Variants in NOX4 observed in about 807,000 individuals in gnomAD.
The protein encoded by NOX4 is kidney oxidase-1.
In NOX4, 69 loss-of-function variants were observed where a neutral mutation model predicts 87.6. That is an observed-to-expected ratio of 0.79 (90% CI 0.65 to 0.96). The LOEUF (loss-of-function observed/expected upper bound fraction) is 0.96, where lower values mean the gene tolerates loss of function less well. Among genes scored for constraint, NOX4 ranks in the 40% least tolerant of loss-of-function variants. NOX4 has a pLI of 0.00. For synonymous variants in NOX4, 275 were observed against 238.2 expected, an observed-to-expected ratio of 1.15 and a Z score of -1.42; for missense variants, 680 against 681.5, an observed-to-expected ratio of 1.00 and a Z score of 0.02.
intron 2 of NOX4, among the ~76,000 whole-genome samples, chr11:89,461,199 C>A: frequency 6.6e-6 from 1 of 151,782 alleles, no homozygotes; most frequent in East Asian, 1.9e-4. Context: ...AGGAGATATA[C>A]CTAATGTTAA....
intron 2 of NOX4, among the ~76,000 whole-genome samples, chr11:89,488,137 C>G (rs923945559): frequency 1.3e-5 from 2 of 152,008 alleles, no homozygotes; most frequent in African/African-American, 2.4e-5. Flanking sequence ...GAATACTTAC[C>G]AGATAGCTCA....
At chr11:89,411,831 T>A (rs377455623) in intron 8 of NOX4, among the ~76,000 whole-genome samples, 1 of 151,912 alleles carries the variant, frequency 6.6e-6, no homozygotes, top group African/African-American at 2.4e-5. Context: ...AGCAATAACA[T>A]AGAATGTCAA....
At chr11:89,444,640 T>C (rs1412227547) in intron 4 of NOX4, among the ~76,000 whole-genome samples, 1 of 151,996 alleles carries the variant, frequency 6.6e-6, no homozygotes, top group African/African-American at 2.4e-5. Flanking sequence ...TCTTCCATAG[T>C]TCCAAATCTG....
chr11:89,416,017 T>C (rs985768862), intron 8 of NOX4, among the ~76,000 whole-genome samples: 1 of 152,118 alleles, frequency 6.6e-6, no homozygotes, highest in African/African-American at 2.4e-5. Flanking sequence ...TAAGGACTCC[T>C]TTTGTGGCTC....
the NOX4 span, among the ~76,000 whole-genome samples, chr11:89,539,090 C>T: frequency 1.5e-4 from 23 of 152,190 alleles, no homozygotes; most frequent in East Asian, 3.5e-3. Flanking sequence ...GAAACTAAAG[C>T]GCCTGACACA....
chr11:89,441,898 A>C (rs987505477), intron 5 of NOX4, among the ~76,000 whole-genome samples: 5 of 150,112 alleles, frequency 3.3e-5, no homozygotes, highest in Admixed American at 6.7e-5. Context: ...GTATATTGGC[A>C]CAAAACCATC....
chr11:89,451,839 A>G lies in NOX4; in HGVS notation c.210T>C (p.Leu70=), dbSNP rs1565310858. ...SASVLNLNCS[L]ILLPMCRTLL... is the part of the protein sequence containing the mutation. ...GTGTTCGGCACATGGGTAAAAGGAT[A>G]AGGCTGCAGTTGAGGTTAAGAACAG... The change falls in exon 3 of 18, where the codon CTT becomes CTC. Residue 70 remains leucine, a synonymous_variant. Coordinates refer to ENST00000263317, the MANE Select transcript of NOX4 (RefSeq NM_016931.5). 1 of 1,613,522 alleles carries G rather than the reference A, an allele frequency of 6.2e-7. No individual in the cohort carries two copies.
At chr11:89,345,678 A>G (rs1367884307) in intron 13 of NOX4, among the ~76,000 whole-genome samples, 2 of 152,184 alleles carry the variant, frequency 1.3e-5, no homozygotes, top group East Asian at 3.9e-4. Flanking sequence ...GCATGTAAAC[A>G]TAAATAAAAA....
the NOX4 span, among the ~76,000 whole-genome samples, chr11:89,527,320 C>T: frequency 2.5e-4 from 38 of 152,236 alleles, 1 homozygote; most frequent in South Asian, 7.9e-3. Context: ...AGAAAATTTG[C>T]CACCTAGCAA....
At chr11:89,575,855 A>G in the NOX4 span, among the ~76,000 whole-genome samples, 2 of 152,090 alleles carry the variant, frequency 1.3e-5, no homozygotes, top group Non-Finnish European at 2.9e-5. Context: ...ACTTATTCAA[A>G]TTCAAGTTTT....
At chr11:89,566,592 A>C in the NOX4 span, among the ~76,000 whole-genome samples, 1 of 152,208 alleles carries the variant, frequency 6.6e-6, no homozygotes, top group Non-Finnish European at 1.5e-5. Context: ...AAAAATACAC[A>C]TGCAAAAAAG....
intron 2 of NOX4, among the ~76,000 whole-genome samples, chr11:89,459,137 C>T (rs1688851196): frequency 6.6e-6 from 1 of 151,878 alleles, no homozygotes; most frequent in Admixed American, 6.6e-5. Context: ...TAAAAAGAAA[C>T]AAGATCATGT....
intron 2 of NOX4, among the ~76,000 whole-genome samples, 174 bp from the exon 3 acceptor site, chr11:89,452,069 C>G (rs1372773636): frequency 6.6e-6 from 1 of 152,166 alleles, no homozygotes; most frequent in Non-Finnish European, 1.5e-5. Flanking sequence ...CCCCTTTGAA[C>G]GACTTCTTTC....
upstream of NOX4, among the ~76,000 whole-genome samples, chr11:89,496,967 C>A (rs1946961246): frequency 6.6e-6 from 1 of 152,116 alleles, no homozygotes; most frequent in African/African-American, 2.4e-5. Context: ...CCAAAGTAAC[C>A]ATGATATTAA....
intron 11 of NOX4, among the ~76,000 whole-genome samples, chr11:89,375,639 AAC>A (rs1025617059): frequency 7.9e-4 from 121 of 152,312 alleles, no homozygotes; most frequent in African/African-American, 2.8e-3. Flanking sequence ...TCTGAAAGCA[AAC>A]AGTTTTGTCA....
chr11:89,391,411 A>T (rs1941110045), intron 11 of NOX4, among the ~76,000 whole-genome samples: 1 of 152,152 alleles, frequency 6.6e-6, no homozygotes, highest in Non-Finnish European at 1.5e-5. Flanking sequence ...TCCCAGGGTG[A>T]GACCCAAAAG....
intron 11 of NOX4, among the ~76,000 whole-genome samples, chr11:89,390,413 C>T (rs2135132240): frequency 6.6e-6 from 1 of 152,150 alleles, no homozygotes; most frequent in East Asian, 1.9e-4. Flanking sequence ...AATTTCTTTG[C>T]CTTAAAATTT....
At chr11:89,490,909 G>C (rs547469557) in intron 1 of NOX4, 1 of 701,586 alleles carries the variant, frequency 1.4e-6, no homozygotes, top group East Asian at 2.7e-5. Flanking sequence ...ATGTTTAAAG[G>C]GTAAAAAGAA....
Position 89,400,307 on chromosome 11 carries a change from T to C in NOX4, c.919A>G (p.Lys307Glu), listed in dbSNP as rs1451708129. The change falls in exon 10 of 18, where the codon AAG becomes GAG. Residue 307 changes from lysine (K) to glutamate (E), a missense_variant. Coordinates refer to ENST00000263317, the MANE Select transcript of NOX4 (RefSeq NM_016931.5). ...ATGACCGAAATGATGGTGACTGGCTTATTGCTCCGGATATACCTGTAAAGT... is the reference window on the plus strand; with the variant it reads ...ATGACCGAAATGATGGTGACTGGCTCATTGCTCCGGATATACCTGTAAAGT... ...ERLYRYIRSN[K>E]PVTIISVMSH... The C allele has an allele frequency of 6.2e-7, 1 of 1,612,954 alleles. No individual in the cohort carries two copies. Among genetic ancestry groups the C allele is most frequent in the Admixed American group, 1.7e-5 (1 of 59,864 alleles).
Sources: allele counts gnomAD v4.1 joint callset (sites outside exome capture counted in the v4.1 genomes callset), GRCh38; gene constraint gnomAD v4.1.1; transcripts MANE v1.5; gene names NCBI Gene and HGNC (gene_info 2026-07-23, HGNC 2026-07-21).